The following SPEG variants were observed in gnomAD, a reference collection of about 807,000 sequenced individuals.
SPEG encodes striated muscle enriched protein kinase.
A neutral mutation model predicts 300.4 loss-of-function variants in SPEG; 114 were observed. The ratio of observed to expected loss-of-function variants is 0.38; its 90% CI spans 0.33 to 0.44. The LOEUF (loss-of-function observed/expected upper bound fraction) is 0.44. SPEG is among the 20% of genes least tolerant of loss of function. SPEG has a pLI of 1.00. For missense variants in SPEG, 4,201 were observed against 4,586.2 expected (o/e 0.92, Z 2.43); for synonymous variants, 1,964 against 2,018.9 (o/e 0.97, Z 0.73).
intron 35 of SPEG, 29 bp from the exon 36 acceptor site, chr2:219,489,306 AC>A (rs1348424035): frequency 1.2e-6 from 2 of 1,613,488 alleles, no homozygotes; most frequent in Non-Finnish European, 1.7e-6. Flanking sequence ...GCCCCAAGGC[AC>A]CACGGTGATG....
Position 219,481,471 on chromosome 2 carries a change from C to T in SPEG, c.5522+15C>T. The stretch of plus-strand genomic sequence containing the variant: ...CAGGACCGGCTGTGAGTACAAGGCC[C>T]TGGGAGCCCCCACCTGCAGGGTCAC... On this transcript the variant is annotated intron_variant, in intron 27 of 40. Transcript: ENST00000312358. The surrounding 1 kb of genome is among the most constrained non-coding windows in gnomAD (Gnocchi z 5.4). 2 of 1,613,296 alleles carry T rather than the reference C, an allele frequency of 1.2e-6. No individual in the cohort carries two copies. Among genetic ancestry groups the T allele is most frequent in the Non-Finnish European group, 1.7e-6 (2 of 1,179,420 alleles).
chr2:219,473,395 C>T lies in SPEG; in HGVS notation c.4148-109C>T, dbSNP rs545898485. ...TAAACCTCTCTGAGCTTCAGCTTTC[C>T]CATCTGTAAAAACGGAACTCAAGTG... On this transcript the variant is annotated intron_variant, in intron 16 of 40. Transcript: ENST00000312358. This position sits in a 1 kb window ranked among gnomAD's most constrained non-coding sequence, Gnocchi z 4.6. 2 of 1,108,550 alleles carry T rather than the reference C, an allele frequency of 1.8e-6. No homozygotes were observed. Among genetic ancestry groups the T allele is most frequent in the East Asian group, 2.4e-5 (1 of 41,636 alleles). The allele number at this position is 1,108,550 out of a possible 1,614,324, so 68.7% of individuals were successfully genotyped here. A position where few individuals can be genotyped will look rare whatever the true frequency, so the allele number is the denominator to read the frequency against.
chr2:219,434,875 G>A lies in SPEG; in HGVS notation c.-103G>A. The A allele has an allele frequency of 7.9e-6, 6 of 760,258 alleles. No individual in the cohort carries two copies. The South Asian group carries it at 1.0e-4, about 13-fold the overall frequency. 47.1% of individuals were successfully genotyped at this position (760,258 alleles called of 1,614,324 possible). Reference sequence around the variant, plus strand: ...GCCGAAGGCGGGCGGGCAGCAGGAAGGCAGGCCGCCGGCCCCCCAGACTTG... The same window carrying A: ...GCCGAAGGCGGGCGGGCAGCAGGAAAGCAGGCCGCCGGCCCCCCAGACTTG... On this transcript the variant is annotated 5_prime_UTR_variant, in exon 1 of 41. Coordinates refer to ENST00000312358, the MANE Select transcript of SPEG (RefSeq NM_005876.5).
At position 219,464,618 on chromosome 2, in the gene SPEG, T is replaced by G. The variant is rs1691085994; in HGVS notation, c.2881+10T>G. On this transcript the variant is annotated intron_variant, in intron 9 of 40. Coordinates refer to ENST00000312358, the MANE Select transcript of SPEG (RefSeq NM_005876.5). This position sits in a 1 kb window ranked among gnomAD's most constrained non-coding sequence, Gnocchi z 4.5. Reference sequence around the variant, plus strand: ...CGCTTGGAGGTCCGAGGTGAGTACCTGATTTCTCCATGAATGCCCACCTGG... The same window carrying G: ...CGCTTGGAGGTCCGAGGTGAGTACCGGATTTCTCCATGAATGCCCACCTGG... 1 of 1,611,694 alleles carries G rather than the reference T, an allele frequency of 6.2e-7. No homozygotes were observed. The highest frequency in any genetic ancestry group is 8.5e-7 in the Non-Finnish European group (1 of 1,178,086).
chr2:219,480,366 C>T lies in SPEG; in HGVS notation c.5342+226C>T, dbSNP rs1258194017. On this transcript the variant is annotated intron_variant, in intron 25 of 40. Transcript: ENST00000312358. This position sits in a 1 kb window ranked among gnomAD's most constrained non-coding sequence, Gnocchi z 5.3. ...CCTGTTAGTCCTTGACTCCTTGTCT[C>T]CCCTGGAAGCCGGGCCTTCCCCTCA... Among the ~76,000 whole-genome samples, 1 of 152,178 alleles carries T rather than the reference C, an allele frequency of 6.6e-6. No homozygotes were observed. Among genetic ancestry groups the T allele is most frequent in the East Asian group, 1.9e-4 (1 of 5,200 alleles).
Position 219,461,359 on chromosome 2 carries a change from G to A in SPEG, c.2441-523G>A, listed in dbSNP as rs751212522. 1,593 of 989,888 alleles carry A rather than the reference G, an allele frequency of 1.6e-3. 2 individuals are homozygous for A. Among genetic ancestry groups the A allele is most frequent in the Non-Finnish European group, 1.8e-3 (1,526 of 832,978 alleles). 61.3% of individuals were successfully genotyped at this position (989,888 alleles called of 1,614,324 possible). The stretch of plus-strand genomic sequence containing the variant: ...AAGGGAAAGGGGGAGGGGCAGGCTA[G>A]ATAGTGCCGCCTCATTGGCCCTGGA... On this transcript the variant is annotated intron_variant, in intron 6 of 40. Coordinates refer to ENST00000312358, the MANE Select transcript of SPEG (RefSeq NM_005876.5).
rs1159013796 is a variant in SPEG, at chr2:219,493,583, C to T, written c.*797C>T. ...GTCCTGACCATCCCTCCCAGCCATCCAGCTGTCTGTCTGTCTGCCACAAGG... is the reference window on the plus strand; with the variant it reads ...GTCCTGACCATCCCTCCCAGCCATCTAGCTGTCTGTCTGTCTGCCACAAGG... On this transcript the variant is annotated 3_prime_UTR_variant, in exon 41 of 41. Transcript: ENST00000312358. 4.3e-6 allele frequency: 2 copies of T among 467,328 alleles called. No individual in the cohort carries two copies. Among genetic ancestry groups the T allele is most frequent in the Non-Finnish European group, 4.3e-6 (1 of 231,580 alleles). The allele number at this position is 467,328 out of a possible 1,614,324, so 28.9% of individuals were successfully genotyped here. A position where few individuals can be genotyped will look rare whatever the true frequency, so the allele number is the denominator to read the frequency against.
chr2:219,463,417 TTTTTTTTTTTTTTA>T (rs1690934212), intron 8 of SPEG, among the ~76,000 whole-genome samples: 3 of 124,856 alleles, frequency 2.4e-5, no homozygotes, highest in Non-Finnish European at 3.4e-5. Context: ...TTTTTTTTTT[TTTTTTTTTTTTTTA>T]GCTGGAGTTT....
intron 6 of SPEG, among the ~76,000 whole-genome samples, chr2:219,452,448 G>A (rs1465816207): frequency 2.0e-5 from 3 of 152,168 alleles, no homozygotes; most frequent in Non-Finnish European, 4.4e-5. Flanking sequence ...CAGTGTCGGT[G>A]TACATGGCCA....
Position 219,467,412 on chromosome 2 carries a change from C to T in SPEG, c.3120C>T (p.Thr1040=), listed in dbSNP as rs371524591. Residue 1040 remains threonine, a synonymous_variant, in exon 10 of 41, where the codon ACC becomes ACT. Coordinates refer to ENST00000312358, the MANE Select transcript of SPEG (RefSeq NM_005876.5). The stretch of plus-strand genomic sequence containing the variant: ...ATGAGGACGACAGTGGCGTCTACAC[C>T]TGCAAGCTCAGCACGGCCAAAGGTA... ...SVHEDDSGVY[T]CKLSTAKDEL... 2.2e-5 allele frequency: 36 copies of T among 1,608,418 alleles called. No homozygotes were observed. Among genetic ancestry groups the T allele is most frequent in the East Asian group, 1.6e-4 (7 of 44,820 alleles).
intron 6 of SPEG, chr2:219,461,156 T>G (rs1032674571): frequency 4.7e-5 from 44 of 944,754 alleles, no homozygotes; most frequent in Middle Eastern, 1.1e-3. Context: ...GTCAGGGCCC[T>G]GGGGACACCC....
At chr2:219,455,450 GA>G (rs1183256034) in intron 6 of SPEG, among the ~76,000 whole-genome samples, 8 of 152,280 alleles carry the variant, frequency 5.3e-5, no homozygotes, top group Admixed American at 2.6e-4. Context: ...GGTGACTGAG[GA>G]ACTGCATTTT....
chr2:219,442,270 C>T (rs975300338), intron 1 of SPEG, among the ~76,000 whole-genome samples: 5 of 151,838 alleles, frequency 3.3e-5, no homozygotes, highest in Non-Finnish European at 7.4e-5. Context: ...GTCCTGAGCG[C>T]GCAGGCCCCT....
chr2:219,447,011 G>A (rs1252102807), intron 3 of SPEG, among the ~76,000 whole-genome samples: 1 of 103,536 alleles, frequency 9.7e-6, no homozygotes, highest in Non-Finnish European at 1.9e-5. Flanking sequence ...TATGTGTGAT[G>A]TGCCCCCTCA....
chr2:219,486,447 GT>G (rs1161525948), intron 31 of SPEG, among the ~76,000 whole-genome samples: 1 of 152,176 alleles, frequency 6.6e-6, no homozygotes, highest in East Asian at 1.9e-4. Context: ...TAGGGATTGT[GT>G]CCAGCCTTGG....
Position 219,451,270 on chromosome 2 carries a change from C to G in SPEG, c.2248C>G (p.Pro750Ala). Reference protein sequence around the residue: ...LLKCIITANPPPQVSWHKDGS... With the variant: ...LLKCIITANPAPQVSWHKDGS... ...CAAGTGTATCATCACTGCCAACCCC[C>G]CGCCCCAAGGTGAGCTCCAGCACTG... The change falls in exon 5 of 41, where the codon CCG (proline) becomes GCG (alanine). Residue 750 changes from proline (P) to alanine (A), a missense_variant. Transcript: ENST00000312358. This position sits in a 1 kb window ranked among gnomAD's most constrained non-coding sequence, Gnocchi z 6.4. The G allele has an allele frequency of 6.2e-7, 1 of 1,608,842 alleles. No homozygotes were observed. The highest frequency in any genetic ancestry group is 8.5e-7 in the Non-Finnish European group (1 of 1,177,758).
rs1358362285 is a variant in SPEG, at chr2:219,481,276, CT to C, written c.5370-27del. ...CATTCCCCTTTGTCCCCGCCTGCCC[CT>C]CATGACAGCCCTCTTCACCCCTGCA... On this transcript the variant is annotated intron_variant, in intron 26 of 40. Coordinates refer to ENST00000312358, the MANE Select transcript of SPEG (RefSeq NM_005876.5). The surrounding 1 kb of genome is among the most constrained non-coding windows in gnomAD (Gnocchi z 5.4). The C allele has an allele frequency of 1.9e-6, 3 of 1,611,300 alleles. No individual in the cohort carries two copies. Among genetic ancestry groups the C allele is most frequent in the Admixed American group, 1.7e-5 (1 of 59,878 alleles).
chr2:219,442,003 C>T (rs1688952216), intron 1 of SPEG: 1 of 530,582 alleles, frequency 1.9e-6, no homozygotes, highest in Non-Finnish European at 2.8e-6. Context: ...GCCCCGCCCC[C>T]GCCCGTCCCC....
In SPEG at chr2:219,489,846, G is replaced by A. The variant is rs1279638472; in HGVS notation, c.8828G>A (p.Gly2943Glu). ...SPAKEVVSSP[G>E]SSPRSSPRPE... The stretch of plus-strand genomic sequence containing the variant: ...GCCAAGGAGGTGGTCAGCTCCCCTG[G>A]GAGCAGTCCCCGAAGCTCTCCCAGG... Residue 2943 changes from glycine to glutamate, a missense_variant, in exon 36 of 41, where the codon GGG (glycine) becomes GAG (glutamate). Transcript: ENST00000312358. 3 of 1,612,952 alleles carry A rather than the reference G, an allele frequency of 1.9e-6. No individual in the cohort carries two copies. Among genetic ancestry groups the A allele is most frequent in the East Asian group, 4.5e-5 (2 of 44,846 alleles).
Sources: allele counts gnomAD v4.1 joint callset (sites outside exome capture counted in the v4.1 genomes callset), GRCh38; gene constraint gnomAD v4.1.1; non-coding constraint Gnocchi (gnomAD v3.1); transcripts MANE v1.5; gene names NCBI Gene and HGNC (gene_info 2026-07-23, HGNC 2026-07-21).